Variants in CCDC60 observed in about 807,000 individuals in gnomAD.
CCDC60 encodes the protein coiled-coil domain containing 60.
A neutral mutation model predicts 63.5 loss-of-function variants in CCDC60; 54 were observed. The ratio of observed to expected loss-of-function variants is 0.85; its 90% CI spans 0.68 to 1.07. CCDC60 has a LOEUF of 1.07. Among genes scored for constraint, CCDC60 ranks in the 50% least tolerant of loss-of-function variants. CCDC60 has a pLI of 0.00. For missense variants in CCDC60, 651 were observed against 684.3 expected (o/e 0.95, Z 0.54); for synonymous variants, 206 against 238.8 (o/e 0.86, Z 1.27).
chr12:119,413,534 G>C (rs1255830170), intron 1 of CCDC60, among the ~76,000 whole-genome samples: 6 of 152,114 alleles, frequency 3.9e-5, no homozygotes. Flanking sequence ...AGGTACTCCT[G>C]GTATAGTGAG....
chr12:119,512,422 A>G (rs1389864339), intron 7 of CCDC60, among the ~76,000 whole-genome samples: 1 of 152,234 alleles, frequency 6.6e-6, no homozygotes, highest in Non-Finnish European at 1.5e-5. Context: ...GGCCCCTGAC[A>G]TCAAGGAACT....
At chr12:119,341,563 T>C (rs780276525) in intron 1 of CCDC60, among the ~76,000 whole-genome samples, 2 of 152,206 alleles carry the variant, frequency 1.3e-5, no homozygotes, top group African/African-American at 4.8e-5. Flanking sequence ...AAATAATGCA[T>C]GTGAAATACT....
At chr12:119,348,301 G>A (rs1955618339) in intron 1 of CCDC60, among the ~76,000 whole-genome samples, 1 of 152,136 alleles carries the variant, frequency 6.6e-6, no homozygotes. Context: ...ACCAGAGTAA[G>A]CAGTTTGGAT....
intron 1 of CCDC60, among the ~76,000 whole-genome samples, chr12:119,341,750 T>C (rs776768809): frequency 4.8e-4 from 73 of 152,146 alleles, no homozygotes; most frequent in Non-Finnish European, 9.6e-4. Context: ...CATAGTGAGG[T>C]CCATCATTAA....
At chr12:119,383,939 G>GT (rs1956034357) in intron 1 of CCDC60, among the ~76,000 whole-genome samples, 1 of 152,040 alleles carries the variant, frequency 6.6e-6, no homozygotes, top group African/African-American at 2.4e-5. Context: ...GCTCACGCCT[G>GT]TAATCCCAGC....
At chr12:119,375,943 C>A (rs1422660249) in intron 1 of CCDC60, among the ~76,000 whole-genome samples, 2 of 152,178 alleles carry the variant, frequency 1.3e-5, no homozygotes, top group African/African-American at 4.8e-5. Flanking sequence ...AATCAACTTG[C>A]CCGTTGTCTC....
At chr12:119,529,695 C>T (rs546250430) in intron 12 of CCDC60, among the ~76,000 whole-genome samples, 31 of 152,226 alleles carry the variant, frequency 2.0e-4, no homozygotes, top group African/African-American at 6.7e-4. Flanking sequence ...CCTGAAGATA[C>T]ATGAGTCTTT....
chr12:119,363,109 T>G (rs1329276595), intron 1 of CCDC60, among the ~76,000 whole-genome samples: 2 of 151,856 alleles, frequency 1.3e-5, no homozygotes, highest in Admixed American at 6.6e-5. Context: ...AAAATAAAAA[T>G]AAAAAAGAAA....
chr12:119,443,485 G>A (rs181794697), intron 2 of CCDC60, among the ~76,000 whole-genome samples: 1 of 152,262 alleles, frequency 6.6e-6, no homozygotes, highest in Non-Finnish European at 1.5e-5. Flanking sequence ...GATGCTAGAC[G>A]GGAAATGGCC....
At chr12:119,525,791 T>G (rs1022408265) in intron 11 of CCDC60, among the ~76,000 whole-genome samples, 3 of 152,194 alleles carry the variant, frequency 2.0e-5, no homozygotes, top group African/African-American at 7.2e-5. Flanking sequence ...AAACATCCCA[T>G]GCTCATGAGT....
At chr12:119,523,493 G>A (rs1225409435) in intron 10 of CCDC60, among the ~76,000 whole-genome samples, 200 bp from the exon 11 acceptor site, 1 of 152,220 alleles carries the variant, frequency 6.6e-6, no homozygotes, top group Non-Finnish European at 1.5e-5. Flanking sequence ...CGACCATCCT[G>A]ATGCTATTGG....
intron 2 of CCDC60, among the ~76,000 whole-genome samples, chr12:119,440,083 G>C (rs891407818): frequency 1.3e-5 from 2 of 152,052 alleles, no homozygotes; most frequent in Non-Finnish European, 2.9e-5. Flanking sequence ...GCCGGGGATG[G>C]AGAGCATTAG....
At position 119,420,837 on chromosome 12, in the gene CCDC60, CTTA is replaced by C. The variant is rs1956799443; in HGVS notation, c.91-7841_91-7839del. On this transcript the variant is annotated intron_variant, in intron 1 of 13. Coordinates refer to ENST00000327554, the MANE Select transcript of CCDC60 (RefSeq NM_178499.5). This position sits in a 1 kb window ranked among gnomAD's most constrained non-coding sequence, Gnocchi z 4.1. The stretch of plus-strand genomic sequence containing the variant: ...CTCATGTATTCCGTAAATATATGCA[CTTA>C]TTATGTACCCACAAAAATAAAAAAT... Among the ~76,000 whole-genome samples, 1 of 152,088 alleles carries C rather than the reference CTTA, an allele frequency of 6.6e-6. No individual in the cohort carries two copies.
chr12:119,411,903 C>T lies in CCDC60; in HGVS notation c.91-16780C>T, dbSNP rs76281692. Among the ~76,000 whole-genome samples the T allele has an allele frequency of 4.3e-3, 655 of 152,174 alleles. 3 individuals carry two copies. Among genetic ancestry groups the T allele is most frequent in the African/African-American group, 0.014 (590 of 41,538 alleles). ...GCCAACAACCCTTCCAGCCCCCACA[C>T]GGTTTGATGCCTGCACTTTCCTACA... On this transcript the variant is annotated intron_variant, in intron 1 of 13. Coordinates refer to ENST00000327554, the MANE Select transcript of CCDC60 (RefSeq NM_178499.5).
intron 3 of CCDC60, among the ~76,000 whole-genome samples, chr12:119,474,556 G>C (rs1826264161): frequency 6.6e-6 from 1 of 152,216 alleles, no homozygotes; most frequent in African/African-American, 2.4e-5. Context: ...GGGGAAATGG[G>C]AAGTGACCAC....
intron 1 of CCDC60, among the ~76,000 whole-genome samples, chr12:119,372,623 G>A (rs1218445039): frequency 6.6e-6 from 1 of 152,078 alleles, no homozygotes; most frequent in Non-Finnish European, 1.5e-5. Context: ...ATGCTTCAGT[G>A]TTCAGCCTCC....
At chr12:119,513,387 A>G (rs1952263584) in intron 7 of CCDC60, among the ~76,000 whole-genome samples, 1 of 152,200 alleles carries the variant, frequency 6.6e-6, no homozygotes, top group African/African-American at 2.4e-5. Context: ...CAACATGTCC[A>G]TAGGGCCATG....
intron 1 of CCDC60, among the ~76,000 whole-genome samples, chr12:119,419,540 G>A (rs919351212): frequency 4.6e-5 from 7 of 152,136 alleles, no homozygotes; most frequent in Non-Finnish European, 1.0e-4. Flanking sequence ...TGGGTATCTC[G>A]TTTCCTTTGT....
Position 119,488,807 on chromosome 12 carries a change from CCTGA to C in CCDC60, c.501_504del (p.Thr168LeufsTer8). ...GTGCTCTCCACTGGCTTCTGGAGGCCCTGACTATTGACCACACCCACCACACCAT... is the reference window on the plus strand; with the variant it reads ...GTGCTCTCCACTGGCTTCTGGAGGCCCTATTGACCACACCCACCACACCAT... On this transcript the variant is annotated frameshift_variant, in exon 5 of 14. Transcript: ENST00000327554. LOFTEE classifies it high-confidence loss of function. 4 of 1,614,166 alleles carry C rather than the reference CCTGA, an allele frequency of 2.5e-6. No homozygotes were observed. The highest frequency in any genetic ancestry group is 3.4e-6 in the Non-Finnish European group (4 of 1,180,018).
Sources: allele counts gnomAD v4.1 joint callset (sites outside exome capture counted in the v4.1 genomes callset), GRCh38; gene constraint gnomAD v4.1.1; non-coding constraint Gnocchi (gnomAD v3.1); transcripts MANE v1.5; gene names NCBI Gene and HGNC (gene_info 2026-07-23, HGNC 2026-07-21).